Variants in EEPD1 observed in about 807,000 individuals in gnomAD.
The protein encoded by EEPD1 is endonuclease/exonuclease/phosphatase family domain-containing protein 1.
EEPD1 carries 17 observed loss-of-function variants against 46.3 expected under a neutral mutation model. The observed-to-expected ratio is 0.37, with a 90% CI of 0.25 to 0.55. The LOEUF is 0.55. Among genes scored for constraint, EEPD1 ranks in the 20% least tolerant of loss-of-function variants. The pLI is 0.83. For missense variants in EEPD1, 673 were observed against 745.6 expected (o/e 0.90, Z 1.13); for synonymous variants, 313 against 315.6 (o/e 0.99, Z 0.09).
At chr7:36,219,930 A>C (rs1333065914) in intron 2 of EEPD1, among the ~76,000 whole-genome samples, 1 of 151,984 alleles carries the variant, frequency 6.6e-6, no homozygotes, top group Non-Finnish European at 1.5e-5. Flanking sequence ...TGGAAAGGAA[A>C]GGTAGGAAAA....
chr7:36,287,107 C>T (rs1341440371), intron 5 of EEPD1, among the ~76,000 whole-genome samples: 1 of 151,706 alleles, frequency 6.6e-6, no homozygotes, highest in East Asian at 1.9e-4. Context: ...CATGGTGGCA[C>T]ACACCTATAA....
intron 2 of EEPD1, among the ~76,000 whole-genome samples, chr7:36,233,070 T>C (rs578101364): frequency 1.2e-4 from 19 of 152,296 alleles, no homozygotes; most frequent in Admixed American, 4.6e-4. Context: ...ATCTGAAAAG[T>C]CCCTCCAGTG....
chr7:36,159,465 T>C (rs189508588), intron 2 of EEPD1, among the ~76,000 whole-genome samples: 81 of 152,370 alleles, frequency 5.3e-4, no homozygotes, highest in African/African-American at 1.9e-3. Context: ...TTGACACTTT[T>C]GGAAACTGAG....
chr7:36,190,223 T>G (rs1299392239), intron 2 of EEPD1, among the ~76,000 whole-genome samples: 1 of 152,128 alleles, frequency 6.6e-6, no homozygotes, highest in African/African-American at 2.4e-5. Flanking sequence ...AATTTTAAAG[T>G]TAGCTGGGCA....
At chr7:36,211,621 A>G (rs1200899415) in intron 2 of EEPD1, among the ~76,000 whole-genome samples, 2 of 152,168 alleles carry the variant, frequency 1.3e-5, no homozygotes, top group South Asian at 2.1e-4. Context: ...GGGTTCGACT[A>G]CTTTTAAAAA....
intron 2 of EEPD1, among the ~76,000 whole-genome samples, chr7:36,230,034 C>T (rs1262265853): frequency 1.6e-4 from 24 of 152,100 alleles, no homozygotes; most frequent in Admixed American, 1.6e-3. Context: ...ACCAGACTCG[C>T]ATCTTCAGCA....
In EEPD1 at chr7:36,156,056, C is replaced by A. The variant is rs118126578; in HGVS notation, c.878+854C>A. 3.3e-3 allele frequency among the ~76,000 whole-genome samples: 508 copies of A among 152,278 alleles called. 5 individuals are homozygous for A. The highest frequency in any genetic ancestry group is 0.027 in the East Asian group (141 of 5,186). ...AAAGAAAGAAATATTTGTGATGGTC[C>A]CTTCCAGGTCATAAGAGCTGTGATC... On this transcript the variant is annotated intron_variant, in intron 2 of 7. Coordinates refer to ENST00000242108, the MANE Select transcript of EEPD1 (RefSeq NM_030636.3).
intron 3 of EEPD1, among the ~76,000 whole-genome samples, chr7:36,268,840 A>G (rs1474578477): frequency 1.3e-5 from 2 of 152,236 alleles, no homozygotes; most frequent in Non-Finnish European, 2.9e-5. Flanking sequence ...CCCTTGTTAC[A>G]GATGGTGAAA....
At chr7:36,207,813 G>T (rs892506466) in intron 2 of EEPD1, among the ~76,000 whole-genome samples, 1 of 151,570 alleles carries the variant, frequency 6.6e-6, no homozygotes, top group Non-Finnish European at 1.5e-5. Flanking sequence ...TCGAGTCTTA[G>T]AAGAAGAGTC....
In EEPD1 at chr7:36,237,275, T is replaced by G. The variant is rs566527275; in HGVS notation, c.879-1710T>G. Among the ~76,000 whole-genome samples the G allele has an allele frequency of 4.6e-5, 7 of 151,922 alleles. No homozygotes were observed. In the South Asian group the frequency reaches 8.4e-4, roughly 18 times the overall value. ...AAGAACTGTAACACTCACCGCGAGG[T>G]TCCACGGCTTCATTCTTGAAGTCAG... On this transcript the variant is annotated intron_variant, in intron 2 of 7. Transcript: ENST00000242108.
chr7:36,271,912 C>T (rs972833201), intron 3 of EEPD1, among the ~76,000 whole-genome samples: 3 of 149,292 alleles, frequency 2.0e-5, no homozygotes, highest in Admixed American at 1.3e-4. Flanking sequence ...GACAGAGTCT[C>T]ACTCTGTCAC....
intron 2 of EEPD1, among the ~76,000 whole-genome samples, chr7:36,192,586 A>G (rs1785480269): frequency 6.6e-6 from 1 of 152,346 alleles, no homozygotes; most frequent in East Asian, 1.9e-4. Context: ...GTATTGTTAC[A>G]AAGTGAGCCA....
At chr7:36,242,299 T>C (rs947210229) in intron 3 of EEPD1, among the ~76,000 whole-genome samples, 1 of 152,138 alleles carries the variant, frequency 6.6e-6, no homozygotes, top group Non-Finnish European at 1.5e-5. Context: ...TCCCCCACCC[T>C]GATTCTCTCT....
chr7:36,243,290 T>C (rs1056619353), intron 3 of EEPD1, among the ~76,000 whole-genome samples: 2 of 134,404 alleles, frequency 1.5e-5, no homozygotes, highest in African/African-American at 5.4e-5. Context: ...ATTTGACTTT[T>C]ATGGCCAATT....
intron 6 of EEPD1, 103 bp downstream of exon 6, chr7:36,287,880 A>C: frequency 6.7e-7 from 1 of 1,492,714 alleles, no homozygotes; most frequent in Admixed American, 2.0e-5. Flanking sequence ...GTTTGTCAGC[A>C]ATGTGAGTCG....
chr7:36,184,799 C>G (rs984745714), intron 2 of EEPD1, among the ~76,000 whole-genome samples: 1 of 152,060 alleles, frequency 6.6e-6, no homozygotes, highest in East Asian at 1.9e-4. Context: ...GGTGCGATCT[C>G]AGCTCACTGC....
Position 36,287,873 on chromosome 7 carries a change from T to A in EEPD1, c.1315+96T>A, listed in dbSNP as rs574665452. 2,817 of 1,511,328 alleles carry A rather than the reference T, an allele frequency of 1.9e-3. 2 individuals carry two copies. The highest frequency in any genetic ancestry group is 2.4e-3 in the Non-Finnish European group (2,710 of 1,117,078). 93.6% of individuals were successfully genotyped at this position (1,511,328 alleles called of 1,614,324 possible). ...TCTCTGACCACTTGGGCTGGCTGTT[T>A]GTCAGCAATGTGAGTCGCGGGTACA... On this transcript the variant is annotated intron_variant, in intron 6 of 7. Coordinates refer to ENST00000242108, the MANE Select transcript of EEPD1 (RefSeq NM_030636.3).
intron 3 of EEPD1, among the ~76,000 whole-genome samples, chr7:36,260,322 A>G (rs1309233251): frequency 6.6e-6 from 1 of 152,226 alleles, no homozygotes; most frequent in African/African-American, 2.4e-5. Flanking sequence ...TCCTGGATGT[A>G]AGATTGGTTG....
intron 2 of EEPD1, among the ~76,000 whole-genome samples, chr7:36,212,129 A>C (rs980042505): frequency 2.0e-5 from 3 of 152,228 alleles, no homozygotes; most frequent in African/African-American, 7.2e-5. Context: ...TGCACAGAAG[A>C]AATACATGCA....
Sources: gnomAD v4.1 joint callset for allele counts (sites outside exome capture counted in the v4.1 genomes callset) on GRCh38, gnomAD v4.1.1 for gene constraint, MANE v1.5 for transcripts, NCBI Gene and HGNC (gene_info 2026-07-23, HGNC 2026-07-21) for gene names.